Variants in MKLN1 observed in about 807,000 individuals in gnomAD.
MKLN1 encodes muskelin 1.
In MKLN1, 18 loss-of-function variants were observed where a neutral mutation model predicts 99.0. That is an observed-to-expected ratio of 0.18 (90% CI 0.13 to 0.27). The LOEUF (loss-of-function observed/expected upper bound fraction) is 0.27, where lower values mean the gene tolerates loss of function less well. MKLN1 is among the 10% of genes least tolerant of loss of function. MKLN1 has a pLI of 1.00. For synonymous variants in MKLN1, 288 were observed against 293.2 expected (o/e 0.98, Z 0.18); for missense variants, 621 against 875.9 (o/e 0.71, Z 3.67).
chr7:131,415,870 C>G (rs1364172131), intron 8 of MKLN1, among the ~76,000 whole-genome samples: 1 of 152,058 alleles, frequency 6.6e-6, no homozygotes, highest in Non-Finnish European at 1.5e-5. Flanking sequence ...GTAGCTTCCC[C>G]TTTTTTTGAA....
At chr7:131,217,251 T>C (rs1266771353) in intron 3 of MKLN1, among the ~76,000 whole-genome samples, 2 of 152,156 alleles carry the variant, frequency 1.3e-5, no homozygotes, top group Non-Finnish European at 2.9e-5. Context: ...AGTATAAAAA[T>C]AAATTATTTT....
chr7:131,363,594 T>C (rs1306523653), intron 1 of MKLN1, among the ~76,000 whole-genome samples: 1 of 152,100 alleles, frequency 6.6e-6, no homozygotes, highest in East Asian at 1.9e-4. Flanking sequence ...TATCTAACTT[T>C]ACTTAGTTCT....
At chr7:131,221,819 C>T (rs1362632929) in intron 3 of MKLN1, among the ~76,000 whole-genome samples, 1 of 150,278 alleles carries the variant, frequency 6.7e-6, no homozygotes, top group Non-Finnish European at 1.5e-5. Flanking sequence ...CCATGCCCGG[C>T]CTCTTGCCAC....
chr7:131,359,012 A>G (rs1413987486), intron 1 of MKLN1, among the ~76,000 whole-genome samples: 1 of 151,694 alleles, frequency 6.6e-6, no homozygotes, highest in Non-Finnish European at 1.5e-5. Flanking sequence ...TTTCAGTTTC[A>G]TTGATTTTTG....
intron 16 of MKLN1, among the ~76,000 whole-genome samples, chr7:131,474,538 C>T (rs1796911633): frequency 6.6e-6 from 1 of 152,116 alleles, no homozygotes; most frequent in Admixed American, 6.6e-5. Context: ...CTTATTTAAT[C>T]AGATTGTTAA....
At position 131,197,012 on chromosome 7, in the gene MKLN1, G is replaced by A. The variant is rs149756259; in HGVS notation, c.-296-5845G>A. ...GCTCCTTTGACTGCTGGACAGCTCC[G>A]AGTCTCCTAGGAATACTTTTCCACA... On this transcript the variant is annotated intron_variant, in intron 2 of 7. Coordinates refer to the MKLN1 transcript ENST00000416992. 6.4e-4 allele frequency among the ~76,000 whole-genome samples: 98 copies of A among 152,180 alleles called. 1 individual carries two copies. The highest frequency in any genetic ancestry group is 2.3e-3 in the African/African-American group (95 of 41,544).
Position 131,437,873 on chromosome 7 carries a change from C to A in MKLN1, c.1049C>A (p.Ser350Tyr), listed in dbSNP as rs1339827370. ...IYTLGRYLDS[S>Y]VRNSKSLKSD... ...ACATTGGGGCGTTACTTGGATTCCTCTGTGAGGAACAGCAAATCTCTGAAA... is the reference window on the plus strand; with the variant it reads ...ACATTGGGGCGTTACTTGGATTCCTATGTGAGGAACAGCAAATCTCTGAAA... Residue 350 changes from serine to tyrosine, a missense_variant, in exon 10 of 18, where the codon TCT (serine) becomes TAT (tyrosine). By Grantham distance (144) the Ser-to-Tyr change is moderately radical. Transcript: ENST00000352689. 2.5e-6 allele frequency: 4 copies of A among 1,613,786 alleles called. No individual in the cohort carries two copies. The highest frequency in any genetic ancestry group is 3.4e-6 in the Non-Finnish European group (4 of 1,179,782).
At chr7:131,344,018 G>A (rs1799484145) in intron 1 of MKLN1, among the ~76,000 whole-genome samples, 1 of 151,916 alleles carries the variant, frequency 6.6e-6, no homozygotes, top group Non-Finnish European at 1.5e-5. Context: ...ATGTAAAAGA[G>A]AAAACAGCAA....
intron 12 of MKLN1, among the ~76,000 whole-genome samples, chr7:131,462,885 G>A (rs887851077): frequency 3.3e-5 from 5 of 152,222 alleles, no homozygotes; most frequent in Non-Finnish European, 5.9e-5. Context: ...ACTTTGGGAA[G>A]ATGAGGCAGG....
chr7:131,304,312 A>C (rs888336036), intron 3 of MKLN1, among the ~76,000 whole-genome samples: 1 of 152,264 alleles, frequency 6.6e-6, no homozygotes, highest in Non-Finnish European at 1.5e-5. Flanking sequence ...TCAAGGTTGC[A>C]GTGAGTTATG....
chr7:131,260,711 A>G (rs1010142570), intron 3 of MKLN1, among the ~76,000 whole-genome samples: 7 of 152,242 alleles, frequency 4.6e-5, no homozygotes, highest in African/African-American at 7.2e-5. Flanking sequence ...ACAGCATGGT[A>G]CTGGTACAAA....
intron 3 of MKLN1, among the ~76,000 whole-genome samples, chr7:131,220,452 C>CA (rs34175450): frequency 0.54 from 82,738 of 151,822 alleles, 23,372 homozygotes; most frequent in East Asian, 0.95. Context: ...CCAATGCCCA[C>CA]GCAAGTCAAT....
At chr7:131,449,539 T>G (rs956400003) in intron 12 of MKLN1, among the ~76,000 whole-genome samples, 3 of 152,226 alleles carry the variant, frequency 2.0e-5, no homozygotes, top group Admixed American at 6.5e-5. Context: ...TGGTTAGAAT[T>G]ACTTGGAAAA....
At chr7:131,338,539 C>T (rs1799314948) in intron 1 of MKLN1, among the ~76,000 whole-genome samples, 1 of 152,202 alleles carries the variant, frequency 6.6e-6, no homozygotes, top group South Asian at 2.1e-4. Flanking sequence ...GAACTTTCTC[C>T]CTATTTAATA....
chr7:131,447,787 A>G (rs746903085), intron 12 of MKLN1, among the ~76,000 whole-genome samples: 22 of 152,206 alleles, frequency 1.4e-4, no homozygotes, highest in Non-Finnish European at 2.6e-4. Flanking sequence ...AGACCCTACC[A>G]TATACCAGAA....
At chr7:131,323,532 T>G (rs1314812139), upstream of MKLN1, 1 of 152,196 alleles carries the variant, frequency 6.6e-6, no homozygotes, top group Non-Finnish European at 1.5e-5. Context: ...TTTTGGTCAT[T>G]GTTGCCTATG....
chr7:131,143,679 T>C (rs1474847304), intron 2 of MKLN1, among the ~76,000 whole-genome samples: 1 of 151,822 alleles, frequency 6.6e-6, no homozygotes, highest in East Asian at 2.0e-4. Flanking sequence ...TTAAAAATTA[T>C]CTAGGACTAC....
intron 1 of MKLN1, chr7:131,142,700 A>G: frequency 3.2e-6 from 1 of 314,394 alleles, no homozygotes; most frequent in South Asian, 2.6e-5. Context: ...GCCCCACTGC[A>G]CTCCAGCCTG....
chr7:131,240,760 C>T (rs1016239564), intron 3 of MKLN1, among the ~76,000 whole-genome samples: 1 of 152,198 alleles, frequency 6.6e-6, no homozygotes, highest in Middle Eastern at 3.4e-3. Context: ...TTAAATGACA[C>T]AGTAGGCAAA....
Sources: allele counts gnomAD v4.1 joint callset (sites outside exome capture counted in the v4.1 genomes callset), GRCh38; gene constraint gnomAD v4.1.1; transcripts MANE v1.5; gene names NCBI Gene and HGNC (gene_info 2026-07-23, HGNC 2026-07-21).